Variants in CSPP1 observed in about 807,000 individuals in gnomAD.
The protein encoded by CSPP1 is centrosome and spindle pole associated protein 1.
A neutral mutation model predicts 164.4 loss-of-function variants in CSPP1; 126 were observed. The ratio of observed to expected loss-of-function variants is 0.77; its 90% CI spans 0.66 to 0.89. CSPP1 has a LOEUF of 0.89. CSPP1 is among the 40% of genes least tolerant of loss of function. The pLI, the probability that CSPP1 is intolerant of heterozygous loss-of-function variation, is 0.00. For synonymous variants in CSPP1, 472 were observed against 476.7 expected, an observed-to-expected ratio of 0.99 and a Z score of 0.13; for missense variants, 1,395 against 1,449.8, an observed-to-expected ratio of 0.96 and a Z score of 0.61.
chr8:67,101,646 A>G (rs1215774087), intron 7 of CSPP1, among the ~76,000 whole-genome samples: 1 of 152,214 alleles, frequency 6.6e-6, no homozygotes, highest in African/African-American at 2.4e-5. Context: ...GCCATGTCAT[A>G]GTTACTAAGA....
chr8:67,118,177 A>G, intron 13 of CSPP1, 71 bp from the exon 14 acceptor site: 1 of 1,518,958 alleles, frequency 6.6e-7, no homozygotes. Flanking sequence ...TTTGCAAAAG[A>G]GTAACATCTT....
rs896701610 is a variant in CSPP1, at chr8:67,154,078, C to G, written c.2183C>G (p.Pro728Arg). 1.1e-5 allele frequency: 17 copies of G among 1,606,564 alleles called. No homozygotes were observed. The African/African-American group carries it at 2.0e-4, about 19-fold the overall frequency. Residue 728 changes from proline to arginine, a missense_variant, in exon 19 of 31, where the codon CCT becomes CGT. By Grantham distance (103) the Pro-to-Arg change is moderately radical. Coordinates refer to ENST00000678616, the MANE Select transcript of CSPP1 (RefSeq NM_001382391.1). ...GCTCGGGGAAATGTATTTGGTGAGC[C>G]TCCAACTGAACTTCAGATTAAACAG... is the stretch of plus-strand genomic sequence containing the variant. ...PFARGNVFGE[P>R]PTELQIKQQE...
chr8:67,139,618 A>G (rs1414416856), intron 17 of CSPP1, among the ~76,000 whole-genome samples: 2 of 152,256 alleles, frequency 1.3e-5, no homozygotes, highest in African/African-American at 4.8e-5. Context: ...GATAGACTGG[A>G]TTAAGAAAAT....
intron 15 of CSPP1, among the ~76,000 whole-genome samples, chr8:67,130,198 G>A (rs1038928830): frequency 2.0e-5 from 3 of 152,108 alleles, no homozygotes; most frequent in African/African-American, 4.8e-5. Flanking sequence ...GATATACCAC[G>A]GGATGACTAT....
In CSPP1 at chr8:67,137,387, T is replaced by A. The variant is rs565422673; in HGVS notation, c.1828-69T>A. 152 of 1,149,170 alleles carry A rather than the reference T, an allele frequency of 1.3e-4. No homozygotes were observed. In the African/African-American group the frequency reaches 2.2e-3, roughly 17 times the overall value. 71.2% of individuals were successfully genotyped at this position (1,149,170 alleles called of 1,614,324 possible). On this transcript the variant is annotated intron_variant, in intron 16 of 30. Coordinates refer to ENST00000678616, the MANE Select transcript of CSPP1 (RefSeq NM_001382391.1). ...GTTTTCTAATACAAAAAATAACATC[T>A]GGTATTACTAACTTCTTGTATCAGA...
chr8:67,196,354 A>C lies in CSPP1; in HGVS notation c.*761A>C, dbSNP rs1465044717. 6.6e-6 allele frequency: 1 copy of C among 152,206 alleles called. No individual in the cohort carries two copies. Among genetic ancestry groups the C allele is most frequent in the Non-Finnish European group, 1.5e-5 (1 of 68,056 alleles). 9.4% of individuals were successfully genotyped at this position (152,206 alleles called of 1,614,324 possible). A position where few individuals can be genotyped will look rare whatever the true frequency, so the allele number is the denominator to read the frequency against. On this transcript the variant is annotated 3_prime_UTR_variant, in exon 31 of 31. Transcript: ENST00000678616. ...CGGGAGTCAAGGACAGAGAGACTGGAGTCTTCTTCTTCCACCATGGAACCT... is the reference window on the plus strand; with the variant it reads ...CGGGAGTCAAGGACAGAGAGACTGGCGTCTTCTTCTTCCACCATGGAACCT...
chr8:67,136,560 C>A (rs1260827013), intron 16 of CSPP1, among the ~76,000 whole-genome samples: 1 of 122,578 alleles, frequency 8.2e-6, no homozygotes, highest in African/African-American at 3.4e-5. Flanking sequence ...CAGAGCGAGA[C>A]TCCGTCTCAA....
intron 3 of CSPP1, chr8:67,080,887 C>G (rs1317061211): frequency 6.6e-6 from 1 of 152,180 alleles, no homozygotes; most frequent in Non-Finnish European, 1.5e-5. Flanking sequence ...CTCACCTAAG[C>G]CTGAGTGTCC....
chr8:67,080,994 C>T (rs1443741410), intron 3 of CSPP1: 3 of 152,200 alleles, frequency 2.0e-5, no homozygotes, highest in Non-Finnish European at 2.9e-5. Context: ...CCCCTTAGGC[C>T]TGGCTGATGT....
intron 7 of CSPP1, among the ~76,000 whole-genome samples, chr8:67,099,703 C>T (rs1047485265): frequency 6.6e-6 from 1 of 151,992 alleles, no homozygotes; most frequent in Non-Finnish European, 1.5e-5. Context: ...ATTGTAAGAC[C>T]ATAAAAGCTG....
intron 15 of CSPP1, among the ~76,000 whole-genome samples, chr8:67,121,812 A>G (rs1381182029): frequency 6.6e-6 from 1 of 152,134 alleles, no homozygotes; most frequent in East Asian, 1.9e-4. Context: ...GTGATTATTG[A>G]TTAGAGATTC....
intron 16 of CSPP1, among the ~76,000 whole-genome samples, chr8:67,132,588 A>G (rs534940134): frequency 6.6e-6 from 1 of 152,308 alleles, no homozygotes; most frequent in Admixed American, 6.5e-5. Flanking sequence ...ATTATTTAGT[A>G]GATAGTCCAG....
At chr8:67,168,653 T>A (rs747649795) in intron 24 of CSPP1, among the ~76,000 whole-genome samples, 1 of 152,240 alleles carries the variant, frequency 6.6e-6, no homozygotes, top group Non-Finnish European at 1.5e-5. Flanking sequence ...ATAATTTTAA[T>A]ACATATTCTG....
chr8:67,114,799 T>A (rs1291955805), intron 12 of CSPP1: 1 of 152,240 alleles, frequency 6.6e-6, no homozygotes, highest in Non-Finnish European at 1.5e-5. Context: ...GTATTTATGG[T>A]TACACTAGTG....
chr8:67,160,733 T>G (rs145892841), intron 21 of CSPP1, among the ~76,000 whole-genome samples: 96 of 151,982 alleles, frequency 6.3e-4, no homozygotes, highest in African/African-American at 2.1e-3. Context: ...AGTTTTACCT[T>G]TGTGTCACCA....
chr8:67,195,244 C>A, intron 30 of CSPP1, 138 bp from the exon 31 acceptor site: 2 of 716,184 alleles, frequency 2.8e-6, no homozygotes, highest in Admixed American at 2.0e-5. Flanking sequence ...CTAACCAAAA[C>A]AAACAAACAG....
At chr8:67,096,813 C>T (rs538685809) in intron 7 of CSPP1, among the ~76,000 whole-genome samples, 48 of 148,992 alleles carry the variant, frequency 3.2e-4, no homozygotes, top group African/African-American at 1.2e-3. Context: ...TGCAGTGAGC[C>T]GAGATTGTGC....
rs1173511209 is a variant in CSPP1, at chr8:67,177,750, C to T, written c.3156+24C>T. The T allele has an allele frequency of 5.7e-6, 9 of 1,583,518 alleles. No homozygotes were observed. In the African/African-American group the frequency reaches 9.4e-5, roughly 17 times the overall value. ...TGGTAAGCAACCAGTTACAATTTTT[C>T]AAGTTAGTTTTTGGGGGATTAAAAA... On this transcript the variant is annotated intron_variant, in intron 27 of 30. Transcript: ENST00000678616.
chr8:67,127,128 T>C (rs1461890239), intron 15 of CSPP1, among the ~76,000 whole-genome samples: 1 of 152,074 alleles, frequency 6.6e-6, no homozygotes, highest in East Asian at 1.9e-4. Flanking sequence ...TGCCACAAAG[T>C]TTACTTCTCT....
Sources: gnomAD v4.1 joint callset for allele counts (sites outside exome capture counted in the v4.1 genomes callset) on GRCh38, gnomAD v4.1.1 for gene constraint, MANE v1.5 for transcripts, NCBI Gene and HGNC (gene_info 2026-07-23, HGNC 2026-07-21) for gene names.